SLC24A2: variants seen among roughly 807,000 people sequenced by gnomAD.
The protein encoded by SLC24A2 is solute carrier family 24 member 2, also known as sodium/potassium/calcium exchanger 2.
Under a neutral mutation model 62.0 loss-of-function variants are expected in SLC24A2, and 36 were observed. That is an observed-to-expected ratio of 0.58 (90% confidence interval 0.44 to 0.77). The LOEUF (loss-of-function observed/expected upper bound fraction) is 0.77, where lower values mean the gene tolerates loss of function less well. SLC24A2 is among the 30% of genes least tolerant of loss of function. The pLI, the probability that SLC24A2 is intolerant of heterozygous loss-of-function variation, is 0.00. For synonymous variants in SLC24A2, 358 were observed against 294.0 expected (o/e 1.22, Z -2.23); for missense variants, 846 against 817.9 (o/e 1.03, Z -0.42).
At chr9:19,758,718 A>G (rs1232638031) in intron 2 of SLC24A2, among the ~76,000 whole-genome samples, 1 of 152,190 alleles carries the variant, frequency 6.6e-6, no homozygotes, top group East Asian at 1.9e-4. Flanking sequence ...GAAGAAACTT[A>G]TCAGGATTGG....
At chr9:19,744,121 C>A (rs904522202) in intron 2 of SLC24A2, among the ~76,000 whole-genome samples, 1 of 152,092 alleles carries the variant, frequency 6.6e-6, no homozygotes, top group Non-Finnish European at 1.5e-5. Context: ...ATCAATGACA[C>A]CAAACTTTCT....
At chr9:19,675,251 G>GTGA (rs1819529362) in intron 2 of SLC24A2, among the ~76,000 whole-genome samples, 3 of 152,224 alleles carry the variant, frequency 2.0e-5, no homozygotes, top group African/African-American at 7.2e-5. Flanking sequence ...TGCTCCAGTG[G>GTGA]AGGTGGCAGG....
the SLC24A2 span, among the ~76,000 whole-genome samples, chr9:20,048,609 G>C: frequency 3.3e-5 from 5 of 152,066 alleles, no homozygotes; most frequent in Non-Finnish European, 5.9e-5. Context: ...ATTCAAAACA[G>C]GGAAGTGAAA....
the SLC24A2 span, among the ~76,000 whole-genome samples, chr9:20,202,050 G>GGTGTGT: frequency 0.022 from 3,172 of 141,712 alleles, 74 homozygotes; most frequent in East Asian, 0.097. Flanking sequence ...CCCATTTCAT[G>GGTGTGT]GTGTGTGTGT....
chr9:19,597,583 T>C (rs1410483758), intron 4 of SLC24A2, among the ~76,000 whole-genome samples: 1 of 152,188 alleles, frequency 6.6e-6, no homozygotes, highest in East Asian at 1.9e-4. Context: ...CCCAGGTCTA[T>C]TGTAACCCTG....
the SLC24A2 span, among the ~76,000 whole-genome samples, chr9:20,231,916 T>C: frequency 3.0e-4 from 45 of 152,248 alleles, no homozygotes; most frequent in Middle Eastern, 3.4e-3. Flanking sequence ...CCCATCAATA[T>C]CTAATTTATT....
chr9:19,860,834 G>A, the SLC24A2 span, among the ~76,000 whole-genome samples: 2 of 152,166 alleles, frequency 1.3e-5, no homozygotes, highest in East Asian at 3.9e-4. Context: ...AGGTGGCAGT[G>A]GCCTGAAGGT....
At chr9:19,521,402 G>A (rs535725710) in intron 9 of SLC24A2, among the ~76,000 whole-genome samples, 2 of 152,282 alleles carry the variant, frequency 1.3e-5, no homozygotes, top group East Asian at 3.9e-4. Flanking sequence ...TGGAATCCAG[G>A]GGGCAGCACC....
the SLC24A2 span, among the ~76,000 whole-genome samples, chr9:20,173,257 C>G: frequency 6.6e-6 from 1 of 152,018 alleles, no homozygotes; most frequent in South Asian, 2.1e-4. Context: ...GGCATTCCCT[C>G]TGAGAACTGG....
At chr9:20,160,226 T>C in the SLC24A2 span, among the ~76,000 whole-genome samples, 1 of 151,424 alleles carries the variant, frequency 6.6e-6, no homozygotes, top group Admixed American at 6.6e-5. Context: ...AAAGCTGCAA[T>C]TGTCAATGAA....
At chr9:20,124,714 G>A in the SLC24A2 span, among the ~76,000 whole-genome samples, 95 of 152,298 alleles carry the variant, frequency 6.2e-4, no homozygotes, top group African/African-American at 2.2e-3. Context: ...CTCCATAAAA[G>A]TTTAATGTGC....
chr9:19,795,947 A>C, the SLC24A2 span, among the ~76,000 whole-genome samples: 6 of 152,032 alleles, frequency 3.9e-5, no homozygotes, highest in Admixed American at 2.6e-4. Context: ...GCCATAAAAA[A>C]ATGATGAGTT....
At chr9:19,642,563 G>A (rs957027376) in intron 2 of SLC24A2, among the ~76,000 whole-genome samples, 3 of 151,872 alleles carry the variant, frequency 2.0e-5, no homozygotes, top group African/African-American at 7.3e-5. Context: ...GCCACTTAAA[G>A]AGTAGTTATG....
the SLC24A2 span, among the ~76,000 whole-genome samples, chr9:20,011,018 A>C: frequency 1.3e-5 from 2 of 152,086 alleles, no homozygotes; most frequent in African/African-American, 4.8e-5. Context: ...ATTGTTGGAC[A>C]TTTGGGTTGG....
intron 2 of SLC24A2, among the ~76,000 whole-genome samples, chr9:19,656,757 CT>C (rs749140216): frequency 6.6e-6 from 1 of 152,178 alleles, no homozygotes; most frequent in Non-Finnish European, 1.5e-5. Context: ...TCTCTTTACT[CT>C]TCTCCTTCCT....
chr9:20,246,403 T>G, the SLC24A2 span, among the ~76,000 whole-genome samples: 1 of 152,244 alleles, frequency 6.6e-6, no homozygotes. Flanking sequence ...CACCTGTTTT[T>G]GCAATTTCAG....
chr9:20,304,837 A>G, the SLC24A2 span, among the ~76,000 whole-genome samples: 1 of 152,168 alleles, frequency 6.6e-6, no homozygotes, highest in Non-Finnish European at 1.5e-5. Flanking sequence ...GCAGCAGAGC[A>G]AGGACATAGT....
Position 19,786,644 on chromosome 9 carries a change from C to G in SLC24A2, c.223G>C (p.Gly75Arg), listed in dbSNP as rs1424848292. 1 of 1,613,994 alleles carries G rather than the reference C, an allele frequency of 6.2e-7. No individual in the cohort carries two copies. The highest frequency in any genetic ancestry group is 1.3e-5 in the African/African-American group (1 of 74,908). Reference protein sequence around the residue: ...QSTGEASVVSGPRVAQGYHQR... With the variant: ...QSTGEASVVSRPRVAQGYHQR... ...TGGTAACCCTGTGCTACCCTAGGGC[C>G]ACTTACAACACTGGCCTCTCCTGTG... The change falls in exon 2 of 11, where the codon GGC becomes CGC. Residue 75 changes from glycine to arginine, a missense_variant. Gly to Arg is a moderately radical substitution (Grantham distance 125, BLOSUM62 -2). Transcript: ENST00000341998. This position sits in a 1 kb window ranked among gnomAD's most constrained non-coding sequence, Gnocchi z 5.0.
chr9:19,563,862 C>CTT, intron 7 of SLC24A2, among the ~76,000 whole-genome samples: 1 of 126,936 alleles, frequency 7.9e-6, no homozygotes, highest in East Asian at 2.5e-4. Context: ...CCCTCCCTCC[C>CTT]TCCTTTCCTT....
Sources: gnomAD v4.1 joint callset for allele counts (sites outside exome capture counted in the v4.1 genomes callset) on GRCh38, gnomAD v4.1.1 for gene constraint, Gnocchi (gnomAD v3.1) non-coding constraint, MANE v1.5 for transcripts, NCBI Gene and HGNC (gene_info 2026-07-23, HGNC 2026-07-21) for gene names.